Variants in TMEM150C observed in about 807,000 individuals in gnomAD.
The protein encoded by TMEM150C is tentonin 3.
A neutral mutation model predicts 29.9 loss-of-function variants in TMEM150C; 10 were observed. The observed-to-expected ratio is 0.33, with a 90% CI of 0.21 to 0.57. The LOEUF (loss-of-function observed/expected upper bound fraction) is 0.57, where lower values mean the gene tolerates loss of function less well. Ranked by LOEUF, TMEM150C falls within the 20% of genes least tolerant of loss-of-function variation. The probability of loss-of-function intolerance (pLI) is 0.88; values close to 1 mark genes in which losing one functional copy is unlikely to be tolerated. For synonymous variants in TMEM150C, 101 were observed against 112.5 expected (o/e 0.90, Z 0.64); for missense variants, 251 against 303.6 (o/e 0.83, Z 1.29).
intron 1 of TMEM150C, among the ~76,000 whole-genome samples, chr4:82,559,960 CAA>C (rs1725868381): frequency 6.6e-6 from 1 of 152,068 alleles, no homozygotes; most frequent in African/African-American, 2.4e-5. Context: ...ACAGGCGAGA[CAA>C]AGCAGGAAGA....
At chr4:82,498,117 C>A (rs903576802) in intron 5 of TMEM150C, among the ~76,000 whole-genome samples, 5 of 152,094 alleles carry the variant, frequency 3.3e-5, no homozygotes, top group African/African-American at 9.6e-5. Flanking sequence ...TGGGTTCAAG[C>A]GGTTCTCCTG....
intron 1 of TMEM150C, among the ~76,000 whole-genome samples, chr4:82,546,674 A>G (rs561869270): frequency 1.1e-3 from 174 of 152,140 alleles, no homozygotes; most frequent in Admixed American, 4.6e-4. Flanking sequence ...TAAAAATACA[A>G]AAAATTAGCC....
At chr4:82,537,738 T>G (rs1004710361) in intron 1 of TMEM150C, among the ~76,000 whole-genome samples, 1 of 151,800 alleles carries the variant, frequency 6.6e-6, no homozygotes, top group African/African-American at 2.4e-5. Flanking sequence ...GGAGAGGAAA[T>G]AGACACACAT....
intron 1 of TMEM150C, among the ~76,000 whole-genome samples, chr4:82,535,676 C>T (rs988967941): frequency 2.0e-5 from 3 of 152,246 alleles, no homozygotes; most frequent in African/African-American, 7.2e-5. Flanking sequence ...TAGCCATTGA[C>T]CTGGGATTGA....
At chr4:82,502,090 C>T (rs147998370) in intron 5 of TMEM150C, among the ~76,000 whole-genome samples, 11 of 152,268 alleles carry the variant, frequency 7.2e-5, no homozygotes, top group African/African-American at 2.6e-4. Flanking sequence ...GGCTGGTTCC[C>T]ACCATCTCTG....
chr4:82,490,798 G>A (rs545292048), intron 6 of TMEM150C: 45 of 465,182 alleles, frequency 9.7e-5, no homozygotes, highest in African/African-American at 8.5e-4. Flanking sequence ...TGTTTTTTAA[G>A]TACAGAAAAC....
intron 7 of TMEM150C, 27 bp from the exon 8 acceptor site, chr4:82,485,746 C>A: frequency 6.4e-7 from 1 of 1,564,906 alleles, no homozygotes; most frequent in Non-Finnish European, 8.7e-7. Context: ...AAGGAAAATA[C>A]CCTCATCAGC....
intron 6 of TMEM150C, among the ~76,000 whole-genome samples, chr4:82,492,262 G>A (rs1321824247): frequency 6.6e-6 from 1 of 152,066 alleles, no homozygotes; most frequent in Non-Finnish European, 1.5e-5. Context: ...CCAAGTAGCT[G>A]GGATTACAGG....
intron 1 of TMEM150C, among the ~76,000 whole-genome samples, chr4:82,530,425 C>T (rs1038907191): frequency 3.3e-5 from 5 of 151,986 alleles, no homozygotes; most frequent in African/African-American, 7.3e-5. Context: ...GGTGTGGTGG[C>T]GGGTGCCTGT....
intron 1 of TMEM150C, among the ~76,000 whole-genome samples, chr4:82,541,299 A>G (rs1408612237): frequency 6.6e-6 from 1 of 152,120 alleles, no homozygotes; most frequent in African/African-American, 2.4e-5. Flanking sequence ...AGTTGTTCAC[A>G]TGTATGTCTG....
intron 1 of TMEM150C, among the ~76,000 whole-genome samples, chr4:82,540,539 T>G (rs919904147): frequency 2.0e-5 from 3 of 152,156 alleles, no homozygotes; most frequent in Admixed American, 1.3e-4. Context: ...ATTTTGCATC[T>G]TATTGCTTTT....
intron 1 of TMEM150C, among the ~76,000 whole-genome samples, chr4:82,536,474 G>A (rs1725011887): frequency 6.6e-6 from 1 of 152,010 alleles, no homozygotes; most frequent in African/African-American, 2.4e-5. Context: ...TACGCTATAG[G>A]TGAAATAAAG....
chr4:82,530,278 C>T (rs1353300092), intron 1 of TMEM150C, among the ~76,000 whole-genome samples: 1 of 152,018 alleles, frequency 6.6e-6, no homozygotes, highest in Non-Finnish European at 1.5e-5. Flanking sequence ...TGTTCAGGGG[C>T]CAGGCACGGT....
At chr4:82,550,526 C>T (rs1725536731) in intron 1 of TMEM150C, among the ~76,000 whole-genome samples, 1 of 152,120 alleles carries the variant, frequency 6.6e-6, no homozygotes, top group African/African-American at 2.4e-5. Context: ...AGGAGCCAGG[C>T]ACGATGGCTC....
chr4:82,527,019 C>CTTT (rs893109064), intron 1 of TMEM150C, among the ~76,000 whole-genome samples: 977 of 74,720 alleles, frequency 0.013, 10 homozygotes, highest in Non-Finnish European at 0.019. Context: ...CATACTGGGT[C>CTTT]TTTTTTTTTT....
At chr4:82,561,709 G>T (rs1725938741) in intron 1 of TMEM150C, among the ~76,000 whole-genome samples, 197 bp downstream of exon 1, 1 of 147,258 alleles carries the variant, frequency 6.8e-6, no homozygotes. Flanking sequence ...GGGCTCGGGC[G>T]GGCGGCCCCG....
At chr4:82,543,795 C>T (rs1405888743) in intron 1 of TMEM150C, among the ~76,000 whole-genome samples, 1 of 152,176 alleles carries the variant, frequency 6.6e-6, no homozygotes, top group Non-Finnish European at 1.5e-5. Context: ...AGGGCCAATT[C>T]TCTCAAGGAA....
At chr4:82,524,410 C>G (rs1446829227) in intron 1 of TMEM150C, among the ~76,000 whole-genome samples, 1 of 152,124 alleles carries the variant, frequency 6.6e-6, no homozygotes, top group East Asian at 1.9e-4. Flanking sequence ...AAAAGAGAGA[C>G]ATGTGTCTTG....
At chr4:82,502,869 A>G in intron 4 of TMEM150C, 26 bp downstream of exon 4, 2 of 1,597,042 alleles carry the variant, frequency 1.3e-6, no homozygotes, top group African/African-American at 1.3e-5. Context: ...ACGGTCCCAC[A>G]GGACAGAAGA....
Sources: allele counts gnomAD v4.1 joint callset (sites outside exome capture counted in the v4.1 genomes callset), GRCh38; gene constraint gnomAD v4.1.1; transcripts MANE v1.5; gene names NCBI Gene and HGNC (gene_info 2026-07-23, HGNC 2026-07-21).